SH3KBP1: variants seen among roughly 807,000 people sequenced by gnomAD.
SH3KBP1 encodes SH3 domain containing kinase binding protein 1.
A neutral mutation model predicts 50.1 loss-of-function variants in SH3KBP1; 8 were observed. The observed-to-expected ratio is 0.16, with a 90% confidence interval of 0.09 to 0.29. The LOEUF is 0.29. Ranked by LOEUF, SH3KBP1 falls within the 10% of genes least tolerant of loss-of-function variation. The pLI is 1.00. For synonymous variants in SH3KBP1, 227 were observed against 218.6 expected (o/e 1.04, Z -0.34); for missense variants, 377 against 535.2 (o/e 0.70, Z 2.92).
At chrX:19,569,334 C>T in intron 12 of SH3KBP1, 146 bp from the exon 13 acceptor site, 1 of 518,361 alleles carries the variant, frequency 1.9e-6, no homozygotes, top group Non-Finnish European at 3.4e-6. Flanking sequence ...AACCAACGAG[C>T]TGTCTAGCCA....
At chrX:19,563,310 G>A (rs2065740300) in intron 13 of SH3KBP1, among the ~76,000 whole-genome samples, 1 of 112,218 alleles carries the variant, frequency 8.9e-6, no homozygotes. Flanking sequence ...GATGCCTTTC[G>A]AAATGAGTGC....
At chrX:19,849,446 C>T (rs1206756819) in intron 1 of SH3KBP1, among the ~76,000 whole-genome samples, 2 of 110,128 alleles carry the variant, frequency 1.8e-5, no homozygotes, top group South Asian at 3.9e-4. Context: ...CCCAGCACTT[C>T]GGGAGGCTGA....
chrX:19,628,177 C>T (rs1297109314), intron 8 of SH3KBP1, among the ~76,000 whole-genome samples: 2 of 112,131 alleles, frequency 1.8e-5, no homozygotes, highest in African/African-American at 6.5e-5. Flanking sequence ...ACTGTGAACA[C>T]TTAACTATTT....
chrX:19,589,327 G>A (rs1415336364), intron 11 of SH3KBP1, among the ~76,000 whole-genome samples: 1 of 111,856 alleles, frequency 8.9e-6, no homozygotes. Flanking sequence ...AGGGCTGAGG[G>A]GTTTGGTCAA....
intron 2 of SH3KBP1, among the ~76,000 whole-genome samples, chrX:19,770,569 T>C (rs909461080): frequency 6.2e-5 from 7 of 112,151 alleles, no homozygotes; most frequent in Middle Eastern, 4.6e-3. Context: ...GTAATGGGAC[T>C]GCTGGGTCGA....
rs761051693 is a variant in SH3KBP1 at position 19,809,431 on chromosome X, G to A, written c.162+26694C>T. 8.1e-5 allele frequency among the ~76,000 whole-genome samples: 9 copies of A among 110,622 alleles called. No individual in the cohort carries two copies. The East Asian group carries it at 2.5e-3, about 31-fold the overall frequency. ...CCCAGCTACTCGGGAGGCTGAGGCA[G>A]GAGAATCACTTGAACCCGGGAGGCG... On this transcript the variant is annotated intron_variant, in intron 2 of 17. Transcript: ENST00000397821.
At chrX:19,568,772 C>G (rs2065921868) in intron 13 of SH3KBP1, among the ~76,000 whole-genome samples, 1 of 113,005 alleles carries the variant, frequency 8.8e-6, no homozygotes, top group South Asian at 3.6e-4. Context: ...ATCCATCCAC[C>G]TTTTTACACA....
chrX:19,626,938 C>T (rs1389787443), intron 8 of SH3KBP1, among the ~76,000 whole-genome samples: 1 of 111,285 alleles, frequency 9.0e-6, no homozygotes, highest in African/African-American at 3.3e-5. Context: ...GCTAATATTG[C>T]TTCCGTTCCC....
chrX:19,867,523 T>C (rs1355979577), intron 1 of SH3KBP1, among the ~76,000 whole-genome samples: 1 of 112,027 alleles, frequency 8.9e-6, no homozygotes, highest in Non-Finnish European at 1.9e-5. Context: ...TGAATTATTT[T>C]AGTCAGACAT....
chrX:19,712,760 A>C (rs1204621149), intron 3 of SH3KBP1, among the ~76,000 whole-genome samples: 1 of 111,668 alleles, frequency 9.0e-6, no homozygotes, highest in South Asian at 3.7e-4. Flanking sequence ...ATCATAGGAC[A>C]AATTGACATC....
At chrX:19,730,765 T>C (rs1398974901) in intron 3 of SH3KBP1, among the ~76,000 whole-genome samples, 3 of 111,099 alleles carry the variant, frequency 2.7e-5, no homozygotes, top group Non-Finnish European at 3.8e-5. Context: ...TAACTTTCCC[T>C]CCCTGGTCCT....
At position 19,557,823 on chromosome X, in the gene SH3KBP1, G is replaced by A. The variant is rs575946213; in HGVS notation, c.1385-7740C>T. Among the ~76,000 whole-genome samples, 7 of 112,080 alleles carry A rather than the reference G, an allele frequency of 6.2e-5. No homozygotes were observed. The South Asian group carries it at 2.6e-3, about 42-fold the overall frequency. ...ACATTCCCTGCCCACATGGAGCTAA[G>A]AACCCACTGAGGGAGACAGGCTTTT... On this transcript the variant is annotated intron_variant, in intron 13 of 17. Coordinates refer to ENST00000397821, the MANE Select transcript of SH3KBP1 (RefSeq NM_031892.3).
intron 2 of SH3KBP1, among the ~76,000 whole-genome samples, chrX:19,796,545 T>G (rs1280920790): frequency 8.9e-6 from 1 of 111,857 alleles, no homozygotes; most frequent in African/African-American, 3.3e-5. Context: ...CACTAACATC[T>G]GAGAGCATCA....
intron 15 of SH3KBP1, 46 bp from the exon 16 acceptor site, chrX:19,542,239 T>A (rs1347003572): frequency 9.0e-7 from 1 of 1,114,444 alleles, no homozygotes; most frequent in South Asian, 2.2e-5. Context: ...GGGATTTGTG[T>A]GCTGCGTCTT....
chrX:19,574,822 G>T (rs1569301143), intron 12 of SH3KBP1, among the ~76,000 whole-genome samples: 1 of 112,202 alleles, frequency 8.9e-6, no homozygotes, highest in Non-Finnish European at 1.9e-5. Flanking sequence ...GGACTAAATT[G>T]TGTCCTCTCA....
chrX:19,618,473 C>T (rs1472694010), intron 8 of SH3KBP1, among the ~76,000 whole-genome samples: 6 of 108,803 alleles, frequency 5.5e-5, no homozygotes, highest in Non-Finnish European at 1.1e-4. Flanking sequence ...GCTGGCCCAA[C>T]TCCAGGGTGA....
chrX:19,825,623 C>T (rs190808510), intron 2 of SH3KBP1, among the ~76,000 whole-genome samples: 9 of 111,616 alleles, frequency 8.1e-5, no homozygotes, highest in Admixed American at 5.7e-4. Flanking sequence ...CCTGTAGTCC[C>T]GGCACTTTGG....
intron 2 of SH3KBP1, among the ~76,000 whole-genome samples, chrX:19,776,088 C>T (rs1400383471): frequency 9.0e-6 from 1 of 111,131 alleles, no homozygotes. Context: ...TTCCCCCATC[C>T]CCCAAAAGGA....
At chrX:19,823,494 T>C (rs1368055748) in intron 2 of SH3KBP1, among the ~76,000 whole-genome samples, 1 of 112,054 alleles carries the variant, frequency 8.9e-6, no homozygotes, top group Non-Finnish European at 1.9e-5. Flanking sequence ...AGGCTGCCCA[T>C]TTCCTTCTTA....
Sources: allele counts gnomAD v4.1 joint callset (sites outside exome capture counted in the v4.1 genomes callset), GRCh38; gene constraint gnomAD v4.1.1; transcripts MANE v1.5; gene names NCBI Gene and HGNC (gene_info 2026-07-23, HGNC 2026-07-21).